The following SHC3 variants were observed in gnomAD, a reference collection of about 807,000 sequenced individuals.
SHC3 encodes the protein SHC adaptor protein 3.
SHC3 carries 15 observed loss-of-function variants against 60.4 expected under a neutral mutation model. That is an observed-to-expected ratio of 0.25 (90% CI 0.17 to 0.38). The LOEUF is 0.38. Among genes scored for constraint, SHC3 ranks in the 10% least tolerant of loss-of-function variants. The probability of loss-of-function intolerance (pLI) is 1.00; values close to 1 mark genes in which losing one functional copy is unlikely to be tolerated. For synonymous variants in SHC3, 294 were observed against 325.9 expected (o/e 0.90, Z 1.05); for missense variants, 677 against 786.1 (o/e 0.86, Z 1.66).
At chr9:89,054,306 C>A (rs1824913076) in intron 6 of SHC3, among the ~76,000 whole-genome samples, 1 of 152,192 alleles carries the variant, frequency 6.6e-6, no homozygotes, top group Non-Finnish European at 1.5e-5. Context: ...TGTGAGTAGA[C>A]CCATGGACTC....
chr9:89,053,153 T>A (rs1450985825), intron 6 of SHC3, among the ~76,000 whole-genome samples: 1 of 152,202 alleles, frequency 6.6e-6, no homozygotes, highest in South Asian at 2.1e-4. Context: ...AGCATGATCT[T>A]TTTACCAATG....
chr9:89,172,645 G>A (rs1407624232), intron 1 of SHC3, among the ~76,000 whole-genome samples: 1 of 151,812 alleles, frequency 6.6e-6, no homozygotes, highest in Non-Finnish European at 1.5e-5. Flanking sequence ...CTGTTCCTAT[G>A]CTCACTGCCT....
intron 9 of SHC3, among the ~76,000 whole-genome samples, chr9:89,044,399 C>A (rs146658461): frequency 6.6e-6 from 1 of 152,230 alleles, no homozygotes; most frequent in East Asian, 1.9e-4. Flanking sequence ...AGACGAAATT[C>A]TCTTACACAG....
intron 5 of SHC3, among the ~76,000 whole-genome samples, chr9:89,069,086 A>G (rs1296564257): frequency 1.3e-5 from 2 of 152,168 alleles, no homozygotes; most frequent in African/African-American, 4.8e-5. Flanking sequence ...AGGTGGGTGG[A>G]CCACTTAAGC....
In SHC3 at chr9:89,178,541, C is replaced by T; in HGVS notation, c.-81G>A. ...CGGGCTGCCGCGCATAGCAGGCGAGCCACTGTCCCCGGAGCGGGACGGAGA... is the reference window on the plus strand; with the variant it reads ...CGGGCTGCCGCGCATAGCAGGCGAGTCACTGTCCCCGGAGCGGGACGGAGA... On this transcript the variant is annotated 5_prime_UTR_variant, in exon 1 of 12. Transcript: ENST00000375835. This position sits in a 1 kb window ranked among gnomAD's most constrained non-coding sequence, Gnocchi z 6.9. The T allele has an allele frequency of 4.5e-6, 6 of 1,326,122 alleles. No homozygotes were observed. Among genetic ancestry groups the T allele is most frequent in the Non-Finnish European group, 5.0e-6 (5 of 1,005,048 alleles). 82.1% of individuals were successfully genotyped at this position (1,326,122 alleles called of 1,614,324 possible). A position where few individuals can be genotyped will look rare whatever the true frequency, so the allele number is the denominator to read the frequency against.
chr9:89,144,718 A>G (rs1217450859), intron 1 of SHC3, among the ~76,000 whole-genome samples: 1 of 152,170 alleles, frequency 6.6e-6, no homozygotes, highest in Non-Finnish European at 1.5e-5. Context: ...AAGTCCTACA[A>G]GTATGCTTTC....
chr9:89,093,336 G>A (rs1281525207), intron 2 of SHC3, among the ~76,000 whole-genome samples: 1 of 152,174 alleles, frequency 6.6e-6, no homozygotes, highest in Non-Finnish European at 1.5e-5. Flanking sequence ...GTGCCAGAAA[G>A]GTCCTCAGGG....
At position 89,009,981 on chromosome 9, in the gene SHC3, T is replaced by A. The variant is rs1183340381; in HGVS notation, c.*3466A>T. 1 of 152,262 alleles carries A rather than the reference T, an allele frequency of 6.6e-6. No individual in the cohort carries two copies. Among genetic ancestry groups the A allele is most frequent in the African/African-American group, 2.4e-5 (1 of 41,466 alleles). The allele number at this position is 152,262 out of a possible 1,614,324, so 9.4% of individuals were successfully genotyped here. A position where few individuals can be genotyped will look rare whatever the true frequency, so the allele number is the denominator to read the frequency against. On this transcript the variant is annotated 3_prime_UTR_variant, in exon 12 of 12. Coordinates refer to ENST00000375835, the MANE Select transcript of SHC3 (RefSeq NM_016848.6). ...CACTGTTCCCCTGGCACATGGGCCC[T>A]TTAGGGTCCACCCTTCCCTAGGCCT...
chr9:89,097,942 G>A (rs1230515971), intron 2 of SHC3, among the ~76,000 whole-genome samples: 1 of 152,086 alleles, frequency 6.6e-6, no homozygotes, highest in Non-Finnish European at 1.5e-5. Flanking sequence ...TATACAGTTG[G>A]AACACTATTA....
intron 10 of SHC3, among the ~76,000 whole-genome samples, chr9:89,040,222 C>CCAT (rs1824661810): frequency 2.1e-5 from 3 of 144,726 alleles, no homozygotes; most frequent in Non-Finnish European, 3.0e-5. Context: ...ATCATCATCA[C>CCAT]CACCACCATC....
At chr9:89,064,322 G>A (rs1030104946) in intron 6 of SHC3, among the ~76,000 whole-genome samples, 4 of 151,922 alleles carry the variant, frequency 2.6e-5, no homozygotes, top group African/African-American at 4.8e-5. Flanking sequence ...TGCATCACAG[G>A]TCTGGCATTT....
At chr9:89,165,866 CAT>C (rs1454631626) in intron 1 of SHC3, among the ~76,000 whole-genome samples, 1 of 152,178 alleles carries the variant, frequency 6.6e-6, no homozygotes, top group Admixed American at 6.5e-5. Flanking sequence ...GCCTTGAGCC[CAT>C]GACGCTTGTC....
intron 11 of SHC3, chr9:89,037,560 G>A (rs1178003824): frequency 2.8e-6 from 2 of 714,730 alleles, no homozygotes; most frequent in Non-Finnish European, 2.6e-6. Context: ...AGCAATGGGG[G>A]TTTCATTTAC....
At chr9:89,040,465 G>A (rs1436409632) in intron 10 of SHC3, among the ~76,000 whole-genome samples, 1 of 152,016 alleles carries the variant, frequency 6.6e-6, no homozygotes, top group Non-Finnish European at 1.5e-5. Context: ...GGTGGGAAAA[G>A]GGTAGCTCTG....
chr9:89,111,783 T>C (rs891860035), intron 2 of SHC3, among the ~76,000 whole-genome samples: 4 of 152,188 alleles, frequency 2.6e-5, no homozygotes, highest in Admixed American at 6.5e-5. Context: ...TTGAATCAAG[T>C]AAATATGAGG....
At chr9:89,132,073 A>C (rs1826254686) in intron 1 of SHC3, among the ~76,000 whole-genome samples, 1 of 152,222 alleles carries the variant, frequency 6.6e-6, no homozygotes, top group African/African-American at 2.4e-5. Context: ...TCAGGATACA[A>C]AATCAATGTG....
chr9:89,085,240 C>T (rs899935116), intron 2 of SHC3, among the ~76,000 whole-genome samples: 2 of 152,208 alleles, frequency 1.3e-5, no homozygotes, highest in Non-Finnish European at 2.9e-5. Context: ...AAGCTCAGGG[C>T]AAGTCTCCAT....
intron 1 of SHC3, among the ~76,000 whole-genome samples, chr9:89,167,422 G>A (rs975246434): frequency 3.3e-5 from 5 of 152,284 alleles, no homozygotes; most frequent in African/African-American, 1.2e-4. Context: ...GAAGGGGAGA[G>A]GCGGGCTGAC....
chr9:89,071,712 T>C (rs1825274825), intron 4 of SHC3, among the ~76,000 whole-genome samples: 1 of 151,358 alleles, frequency 6.6e-6, no homozygotes, highest in Non-Finnish European at 1.5e-5. Context: ...TTAATGAAGA[T>C]GGCACCCAAC....
Sources: gnomAD v4.1 joint callset for allele counts (sites outside exome capture counted in the v4.1 genomes callset) on GRCh38, gnomAD v4.1.1 for gene constraint, Gnocchi (gnomAD v3.1) non-coding constraint, MANE v1.5 for transcripts, NCBI Gene and HGNC (gene_info 2026-07-23, HGNC 2026-07-21) for gene names.